The following ATP13A5 variants were observed in gnomAD, a reference collection of about 807,000 sequenced individuals.
ATP13A5 encodes the protein ATPase 13A5.
Under a neutral mutation model 150.2 loss-of-function variants are expected in ATP13A5, and 149 were observed. The ratio of observed to expected loss-of-function variants is 0.99; its 90% CI spans 0.87 to 1.14. The LOEUF (loss-of-function observed/expected upper bound fraction) is 1.14. Among genes scored for constraint, ATP13A5 ranks in the 50% most tolerant of loss-of-function variants. The pLI, the probability that ATP13A5 is intolerant of heterozygous loss-of-function variation, is 0.00. For missense variants in ATP13A5, 1,383 were observed against 1,449.3 expected (o/e 0.95, Z 0.74); for synonymous variants, 497 against 522.2 (o/e 0.95, Z 0.66).
chr3:193,334,003 TC>T, intron 10 of ATP13A5, 96 bp from the exon 11 acceptor site: 1 of 1,091,782 alleles, frequency 9.2e-7, no homozygotes, highest in Non-Finnish European at 1.3e-6. Context: ...GAGTAGAGTG[TC>T]CTCTAACCTT....
intron 13 of ATP13A5, among the ~76,000 whole-genome samples, chr3:193,326,110 C>T (rs746172787): frequency 5.3e-5 from 8 of 152,188 alleles, no homozygotes; most frequent in African/African-American, 9.6e-5. Flanking sequence ...CTGGCCCCTT[C>T]GTCATCTTGG....
At chr3:193,297,494 T>G (rs766254402) in intron 25 of ATP13A5, among the ~76,000 whole-genome samples, 3 of 152,000 alleles carry the variant, frequency 2.0e-5, no homozygotes, top group African/African-American at 4.8e-5. Flanking sequence ...ACATAGCTGG[T>G]TTCTGCCTCT....
At chr3:193,306,024 T>C (rs1292545732) in intron 22 of ATP13A5, among the ~76,000 whole-genome samples, 1 of 152,036 alleles carries the variant, frequency 6.6e-6, no homozygotes, top group Admixed American at 6.6e-5. Context: ...GGACGTTGGT[T>C]GGGGACCTTC....
chr3:193,319,123 G>T lies in ATP13A5; in HGVS notation c.1916-15C>A. 2 of 1,595,700 alleles carry T rather than the reference G, an allele frequency of 1.3e-6. No individual in the cohort carries two copies. The highest frequency in any genetic ancestry group is 1.7e-6 in the Non-Finnish European group (2 of 1,163,526). On this transcript the variant is annotated splice_polypyrimidine_tract_variant and intron_variant, in intron 16 of 29. Coordinates refer to ENST00000342358, the MANE Select transcript of ATP13A5 (RefSeq NM_198505.4). ...ATTCTTGGGCACTGCCAGGGTAGAA[G>T]AAACAGGTAAGTGTAAGGTCATGTT...
chr3:193,291,620 G>C (rs1045169986), intron 25 of ATP13A5, among the ~76,000 whole-genome samples: 5 of 151,966 alleles, frequency 3.3e-5, no homozygotes. Flanking sequence ...TCCAGATAGG[G>C]GAGTGGGGTT....
At chr3:193,303,488 TGAGA>T (rs1215869178) in intron 23 of ATP13A5, among the ~76,000 whole-genome samples, 3 of 152,232 alleles carry the variant, frequency 2.0e-5, no homozygotes, top group East Asian at 3.9e-4. Flanking sequence ...GCCTGATGCA[TGAGA>T]GACACTCAAT....
intron 1 of ATP13A5, among the ~76,000 whole-genome samples, chr3:193,369,293 T>C (rs529508082): frequency 1.7e-4 from 26 of 152,000 alleles, no homozygotes; most frequent in Non-Finnish European, 3.4e-4. Context: ...GTAAAGAAAA[T>C]TAAAAGTTTC....
intron 1 of ATP13A5, among the ~76,000 whole-genome samples, chr3:193,368,177 A>G (rs1015311916): frequency 6.6e-6 from 1 of 152,230 alleles, no homozygotes; most frequent in Non-Finnish European, 1.5e-5. Flanking sequence ...TGTATATATT[A>G]GTAACAAACA....
In ATP13A5 at chr3:193,315,102, T is replaced by C. The variant is rs1391672645; in HGVS notation, c.2034-6A>G. 1.2e-6 allele frequency: 2 copies of C among 1,612,812 alleles called. No individual in the cohort carries two copies. Among genetic ancestry groups the C allele is most frequent in the African/African-American group, 2.7e-5 (2 of 74,882 alleles). ...ACTCTGACTCCACTTTTTCTCTTTG[T>C]ATTCAGGAGAAAATCAATATTAAAG... On this transcript the variant is annotated splice_region_variant and splice_polypyrimidine_tract_variant and intron_variant, in intron 17 of 29. Coordinates refer to ENST00000342358, the MANE Select transcript of ATP13A5 (RefSeq NM_198505.4).
intron 6 of ATP13A5, among the ~76,000 whole-genome samples, chr3:193,353,700 C>G (rs555103472): frequency 2.6e-5 from 4 of 152,176 alleles, no homozygotes; most frequent in Non-Finnish European, 5.9e-5. Context: ...ACATAAAGAA[C>G]ACAGTAGTCT....
chr3:193,322,605 C>A (rs1365593667), intron 14 of ATP13A5, 31 bp from the exon 15 acceptor site: 2 of 1,419,432 alleles, frequency 1.4e-6, no homozygotes, highest in East Asian at 2.3e-5. Context: ...TCATAAGATT[C>A]TTTGAATAAA....
At chr3:193,291,183 G>A (rs1345713743) in intron 25 of ATP13A5, among the ~76,000 whole-genome samples, 2 of 147,434 alleles carry the variant, frequency 1.4e-5, no homozygotes, top group African/African-American at 2.4e-5. Flanking sequence ...ATGCCTAAAT[G>A]GTACCCAAAG....
chr3:193,276,873 C>G, intron 28 of ATP13A5, 43 bp from the exon 29 acceptor site: 1 of 1,391,072 alleles, frequency 7.2e-7, no homozygotes, highest in Non-Finnish European at 1.0e-6. Context: ...GCACACTTCA[C>G]ACTTTGAAAA....
At chr3:193,340,820 G>GTTT (rs1169055050) in intron 9 of ATP13A5, among the ~76,000 whole-genome samples, 1 of 152,128 alleles carries the variant, frequency 6.6e-6, no homozygotes, top group Non-Finnish European at 1.5e-5. Context: ...ATACTTTCAT[G>GTTT]TTTTCTGTCT....
At chr3:193,337,204 G>T (rs565705412) in intron 9 of ATP13A5, among the ~76,000 whole-genome samples, 1 of 152,110 alleles carries the variant, frequency 6.6e-6, no homozygotes, top group South Asian at 2.1e-4. Flanking sequence ...TCACTCTGAC[G>T]GTAGTTTCTT....
Position 193,310,693 on chromosome 3 carries a change from C to G in ATP13A5, c.2470G>C (p.Ala824Pro). The G allele has an allele frequency of 2.5e-6, 4 of 1,608,214 alleles. No homozygotes were observed. The highest frequency in any genetic ancestry group is 3.4e-6 in the Non-Finnish European group (4 of 1,178,572). The change falls in exon 21 of 30, where the codon GCA becomes CCA. Residue 824 changes from alanine (A) to proline (P), a missense_variant. This residue lies in a region of ATP13A5 where 568 missense variants were observed against 621.5 expected (regional missense o/e 0.91). Transcript: ENST00000342358. ...PKILVNGTVF[A>P]RMSPGQKSSL... ...GATTTCTGCCCAGGAGACATTCTTG[C>G]AAAAACTGTTCCATTCACCAGAATC... is the stretch of plus-strand genomic sequence containing the variant.
At chr3:193,363,070 C>A (rs911130188) in intron 3 of ATP13A5, among the ~76,000 whole-genome samples, 166 bp downstream of exon 3, 1 of 152,080 alleles carries the variant, frequency 6.6e-6, no homozygotes, top group Non-Finnish European at 1.5e-5. Context: ...CCAAAAGTGC[C>A]GGGATTACAG....
At chr3:193,357,085 AT>A (rs1339962296) in intron 5 of ATP13A5, among the ~76,000 whole-genome samples, 1 of 152,176 alleles carries the variant, frequency 6.6e-6, no homozygotes, top group East Asian at 1.9e-4. Flanking sequence ...AAATGCTGGG[AT>A]TACAGGCATG....
chr3:193,327,232 G>T (rs1179997886), intron 12 of ATP13A5, among the ~76,000 whole-genome samples, 175 bp from the exon 13 acceptor site: 1 of 152,104 alleles, frequency 6.6e-6, no homozygotes, highest in Non-Finnish European at 1.5e-5. Context: ...AATTAAGCAG[G>T]TGATACATGA....
Sources: gnomAD v4.1 joint callset for allele counts (sites outside exome capture counted in the v4.1 genomes callset) on GRCh38, gnomAD v4.1.1 for gene constraint, gnomAD v4.1.1 regional missense constraint, MANE v1.5 for transcripts, NCBI Gene and HGNC (gene_info 2026-07-23, HGNC 2026-07-21) for gene names.